The following SH3PXD2B variants were observed in gnomAD, a reference collection of about 807,000 sequenced individuals.
The protein encoded by SH3PXD2B is SH3 and PX domain-containing protein 2B.
Under a neutral mutation model 73.1 loss-of-function variants are expected in SH3PXD2B, and 37 were observed. That is an observed-to-expected ratio of 0.51 (90% confidence interval 0.39 to 0.67). The LOEUF (loss-of-function observed/expected upper bound fraction) is 0.67. Among genes scored for constraint, SH3PXD2B ranks in the 30% least tolerant of loss-of-function variants. The pLI is 0.00. For synonymous variants in SH3PXD2B, 457 were observed against 480.5 expected, an observed-to-expected ratio of 0.95 and a Z score of 0.64; for missense variants, 1,053 against 1,197.8, an observed-to-expected ratio of 0.88 and a Z score of 1.78.
At chr5:172,408,859 A>AT (rs1446845567) in intron 2 of SH3PXD2B, among the ~76,000 whole-genome samples, 2 of 152,030 alleles carry the variant, frequency 1.3e-5, no homozygotes, top group East Asian at 3.8e-4. Context: ...TAATTTTTAA[A>AT]TTTCTAAAAT....
At chr5:172,380,204 C>T (rs1472353269) in intron 5 of SH3PXD2B, among the ~76,000 whole-genome samples, 5 of 147,936 alleles carry the variant, frequency 3.4e-5, no homozygotes, top group Non-Finnish European at 5.9e-5. Flanking sequence ...ACTACAGGCA[C>T]GTACCACTAT....
chr5:172,336,950 A>C lies in SH3PXD2B; in HGVS notation c.*1419T>G. 1 of 985,596 alleles carries C rather than the reference A, an allele frequency of 1.0e-6. No homozygotes were observed. The highest frequency in any genetic ancestry group is 1.2e-6 in the Non-Finnish European group (1 of 830,046). The allele number at this position is 985,596 out of a possible 1,614,324, so 61.1% of individuals were successfully genotyped here. A position where few individuals can be genotyped will look rare whatever the true frequency, so the allele number is the denominator to read the frequency against. ...AACATTACAAATGCCGGAGAGGCAC[A>C]GGAAGCAGCTCTGCCTGGCCCTTGG... On this transcript the variant is annotated 3_prime_UTR_variant, in exon 13 of 13. Transcript: ENST00000311601.
In SH3PXD2B at chr5:172,452,205, C is replaced by G. The variant is rs75303477; in HGVS notation, c.75+2073G>C. Among the ~76,000 whole-genome samples, 91 of 152,272 alleles carry G rather than the reference C, an allele frequency of 6.0e-4. No individual in the cohort carries two copies. The East Asian group carries it at 0.017, about 29-fold the overall frequency. ...AAAAACTGAGGCTGAGGTGACACAG[C>G]TACAACCTGGGAGGCCAAGATCTGA... On this transcript the variant is annotated intron_variant, in intron 1 of 12. Transcript: ENST00000311601.
At chr5:172,398,271 T>C (rs145480783) in intron 3 of SH3PXD2B, among the ~76,000 whole-genome samples, 342 of 152,372 alleles carry the variant, frequency 2.2e-3, no homozygotes, top group African/African-American at 7.9e-3. Context: ...ATCTTAAAGA[T>C]TGTTTTTTTC....
chr5:172,440,380 C>A (rs1013043788), intron 1 of SH3PXD2B, among the ~76,000 whole-genome samples: 1 of 152,204 alleles, frequency 6.6e-6, no homozygotes, highest in African/African-American at 2.4e-5. Flanking sequence ...TTGGCCCTGC[C>A]TCGATGGGGC....
chr5:172,358,962 T>C, intron 7 of SH3PXD2B, 85 bp from the exon 8 acceptor site: 1 of 1,230,250 alleles, frequency 8.1e-7, no homozygotes, highest in Admixed American at 1.9e-5. Flanking sequence ...TCAGCCACTG[T>C]ACCAGTGAAT....
chr5:172,416,534 G>A (rs1460859088), intron 2 of SH3PXD2B, among the ~76,000 whole-genome samples: 7 of 151,500 alleles, frequency 4.6e-5, no homozygotes, highest in African/African-American at 1.7e-4. Context: ...CACTATCTTG[G>A]CCAGGCTGGT....
At chr5:172,402,292 T>A (rs1758435792) in intron 3 of SH3PXD2B, among the ~76,000 whole-genome samples, 1 of 152,196 alleles carries the variant, frequency 6.6e-6, no homozygotes, top group Admixed American at 6.5e-5. Flanking sequence ...CGTTGTCTGC[T>A]CTCAAACCCT....
In SH3PXD2B at chr5:172,428,924, G is replaced by A. The variant is rs1053600776; in HGVS notation, c.76-6428C>T. On this transcript the variant is annotated intron_variant, in intron 1 of 12. Coordinates refer to ENST00000311601, the MANE Select transcript of SH3PXD2B (RefSeq NM_001017995.3). Reference sequence around the variant, plus strand: ...TGCCTCCAGAAAGCCCTCTGTGACCGCTCCCTGCCCACCAGTATGAGGTTG... The same window carrying A: ...TGCCTCCAGAAAGCCCTCTGTGACCACTCCCTGCCCACCAGTATGAGGTTG... Among the ~76,000 whole-genome samples the A allele has an allele frequency of 4.1e-4, 62 of 152,156 alleles. 2 individuals are homozygous for A. The highest frequency in any genetic ancestry group is 1.3e-4 in the Admixed American group (2 of 15,274).
intron 6 of SH3PXD2B, among the ~76,000 whole-genome samples, chr5:172,369,266 G>T: frequency 6.6e-6 from 1 of 150,956 alleles, no homozygotes; most frequent in South Asian, 2.1e-4. Flanking sequence ...TATTTTTTAA[G>T]AGCTGTAAAG....
chr5:172,443,871 C>T (rs1346325997), intron 1 of SH3PXD2B, among the ~76,000 whole-genome samples: 3 of 152,356 alleles, frequency 2.0e-5, no homozygotes, highest in East Asian at 1.9e-4. Flanking sequence ...GGACGGAGGT[C>T]GGGGCTGGGA....
At chr5:172,431,886 G>A (rs903000576) in intron 1 of SH3PXD2B, among the ~76,000 whole-genome samples, 5 of 152,110 alleles carry the variant, frequency 3.3e-5, no homozygotes, top group Non-Finnish European at 7.4e-5. Flanking sequence ...TATTTAGGCC[G>A]GGCGCAGTGG....
rs1388377692 is a variant in SH3PXD2B, at chr5:172,454,337, T to G, written c.16A>C (p.Ser6Arg). ...TCTAGCACCTTCACCTCCACGATGCTGCGCCGCGGCGGCATGGCCGCTCCT... is the reference window on the plus strand; with the variant it reads ...TCTAGCACCTTCACCTCCACGATGCGGCGCCGCGGCGGCATGGCCGCTCCT... The part of the protein sequence containing the change: MPPRR[S>R]IVEVKVLDVQ... Residue 6 changes from serine (S) to arginine (R), a missense_variant, in exon 1 of 13, where the codon AGC (serine) becomes CGC (arginine). Physicochemically the swap from Ser to Arg is moderately radical, Grantham distance 110. This residue lies in a region of SH3PXD2B where 466 missense variants were observed against 607.1 expected (regional missense o/e 0.77). Coordinates refer to ENST00000311601, the MANE Select transcript of SH3PXD2B (RefSeq NM_001017995.3). 1 of 1,533,512 alleles carries G rather than the reference T, an allele frequency of 6.5e-7. No individual in the cohort carries two copies. The allele number at this position is 1,533,512 out of a possible 1,614,324, so 95.0% of individuals were successfully genotyped here.
chr5:172,422,642 C>T (rs1758998584), intron 1 of SH3PXD2B, 146 bp from the exon 2 acceptor site: 2 of 738,518 alleles, frequency 2.7e-6, no homozygotes, highest in South Asian at 3.0e-5. Flanking sequence ...AAGTTGCTTG[C>T]TGTAAGACTC....
At chr5:172,325,898 C>T (rs1218844352) in intron 12 of SH3PXD2B, among the ~76,000 whole-genome samples, 1 of 152,268 alleles carries the variant, frequency 6.6e-6, no homozygotes, top group African/African-American at 2.4e-5. Flanking sequence ...AGCGATTCTC[C>T]TGCCTCAGCC....
chr5:172,355,995 C>T (rs1214393422), intron 8 of SH3PXD2B, among the ~76,000 whole-genome samples: 2 of 152,106 alleles, frequency 1.3e-5, no homozygotes, highest in African/African-American at 2.4e-5. Flanking sequence ...GGTGGTGCTA[C>T]CAGCCTTTGT....
At chr5:172,342,675 C>T (rs745634996) in intron 12 of SH3PXD2B, among the ~76,000 whole-genome samples, 4 of 152,038 alleles carry the variant, frequency 2.6e-5, no homozygotes, top group Admixed American at 6.5e-5. Flanking sequence ...GCAGGAGAAA[C>T]GCTTGAACCT....
At chr5:172,413,486 C>A (rs188853454) in intron 2 of SH3PXD2B, among the ~76,000 whole-genome samples, 5 of 152,226 alleles carry the variant, frequency 3.3e-5, no homozygotes, top group African/African-American at 4.8e-5. Context: ...TACCTCCTCA[C>A]TGGTACACGG....
intron 3 of SH3PXD2B, among the ~76,000 whole-genome samples, chr5:172,396,242 C>A (rs1758294157): frequency 7.0e-6 from 1 of 143,418 alleles, no homozygotes; most frequent in Non-Finnish European, 1.5e-5. Flanking sequence ...GGTGTGGTAG[C>A]ATGTGCCTGT....
Sources: allele counts gnomAD v4.1 joint callset (sites outside exome capture counted in the v4.1 genomes callset), GRCh38; gene constraint gnomAD v4.1.1; regional missense constraint gnomAD v4.1.1; transcripts MANE v1.5; gene names NCBI Gene and HGNC (gene_info 2026-07-23, HGNC 2026-07-21).